Variants in PRX observed in about 807,000 individuals in gnomAD.
PRX encodes the protein periaxin.
A neutral mutation model predicts 29.6 loss-of-function variants in PRX; 24 were observed. The observed-to-expected ratio is 0.81, with a 90% CI of 0.59 to 1.14. The LOEUF (loss-of-function observed/expected upper bound fraction) is 1.14, where lower values mean the gene tolerates loss of function less well. Among genes scored for constraint, PRX ranks in the 50% most tolerant of loss-of-function variants. The pLI, the probability that PRX is intolerant of heterozygous loss-of-function variation, is 0.00. For missense variants in PRX, 1,838 were observed against 1,926.4 expected, an observed-to-expected ratio of 0.95 and a Z score of 0.86; for synonymous variants, 772 against 831.7, an observed-to-expected ratio of 0.93 and a Z score of 1.24.
rs2079449488 is a variant in PRX at position 40,397,315 on chromosome 19, G to A, written c.1037C>T (p.Ala346Val). The change falls in exon 7 of 7, where the codon GCC (alanine) becomes GTC (valine). Residue 346 changes from alanine to valine, a missense_variant. By Grantham distance (64) the Ala-to-Val change is moderately conservative (BLOSUM62 0). Transcript: ENST00000324001. ...DLALPGAEVE[A>V]RGEAPEVALK... ...GGCCACCTCAGGTGCCTCTCCCCGG[G>A]CCTCCACCTCTGCACCCGGCAAGGC... 2.5e-6 allele frequency: 4 copies of A among 1,613,058 alleles called. No individual in the cohort carries two copies. The East Asian group carries it at 6.7e-5, about 27-fold the overall frequency.
chr19:40,398,528 G>A lies in PRX; in HGVS notation c.381+92C>T, dbSNP rs1320772492. 1.3e-6 allele frequency: 2 copies of A among 1,588,544 alleles called. No homozygotes were observed. Among genetic ancestry groups the A allele is most frequent in the Non-Finnish European group, 8.6e-7 (1 of 1,169,100 alleles). On this transcript the variant is annotated intron_variant, in intron 6 of 6. Transcript: ENST00000324001. The surrounding 1 kb of genome is among the most constrained non-coding windows in gnomAD (Gnocchi z 6.3). Reference sequence around the variant, plus strand: ...GGGTTAGTGACAAGACAGAGGGCAAGGCTGGCCCACGATGGCGGGGAATGG... The same window carrying A: ...GGGTTAGTGACAAGACAGAGGGCAAAGCTGGCCCACGATGGCGGGGAATGG...
chr19:40,398,373 A>G lies in PRX; in HGVS notation c.381+247T>C. The G allele has an allele frequency of 7.0e-7, 1 of 1,438,610 alleles. No homozygotes were observed. Among genetic ancestry groups the G allele is most frequent in the Admixed American group, 2.8e-5 (1 of 35,194 alleles). The allele number at this position is 1,438,610 out of a possible 1,614,324, so 89.1% of individuals were successfully genotyped here. On this transcript the variant is annotated intron_variant, in intron 6 of 6. Coordinates refer to ENST00000324001, the MANE Select transcript of PRX (RefSeq NM_181882.3). This position sits in a 1 kb window ranked among gnomAD's most constrained non-coding sequence, Gnocchi z 6.3. ...CGAAGTAGCCTGGTTCAGGACCCCT[A>G]GCAAGCCTGGATCCGATGGTGGGGA...
chr19:40,394,554 TG>T lies in PRX; in HGVS notation c.3797del (p.Pro1266GlnfsTer116). 6.2e-7 allele frequency: 1 copy of T among 1,607,500 alleles called. No individual in the cohort carries two copies. ...AGAGGCAGAAGGTACGCTCGGCCCC[TG>T]GGGGCTGCTCCTCAGCACCCTCGCC... ...VGGEGAEEQP[P>X]GAERTFCLSL... On this transcript the variant is annotated frameshift_variant, in exon 7 of 7. Transcript: ENST00000324001. LOFTEE classifies it high-confidence loss of function. This position sits in a 1 kb window ranked among gnomAD's most constrained non-coding sequence, Gnocchi z 5.8.
intron 1 of PRX, among the ~76,000 whole-genome samples, chr19:40,411,261 G>A (rs1453830418): frequency 6.6e-6 from 1 of 152,274 alleles, no homozygotes; most frequent in East Asian, 1.9e-4. Context: ...CAGGTGCCGG[G>A]CCTGGACCGG....
chr19:40,408,474 T>C (rs2079542710), intron 1 of PRX, 91 bp from the exon 2 acceptor site: 1 of 171,154 alleles, frequency 5.8e-6, no homozygotes, highest in African/African-American at 2.4e-5. Context: ...TGATACCCTA[T>C]CCCCGTCGTG....
Position 40,394,513 on chromosome 19 carries a change from T to A in PRX, c.3839A>T (p.Glu1280Val). 1 of 1,600,308 alleles carries A rather than the reference T, an allele frequency of 6.2e-7. No homozygotes were observed. ...RTFCLSLPDV[E>V]LSPSGGNHAE... is the part of the protein sequence containing the mutation. The stretch of plus-strand genomic sequence containing the variant: ...ATGGTTGCCCCCGGATGGCGAGAGC[T>A]CCACGTCGGGCAGTGAGAGGCAGAA... The change falls in exon 7 of 7, where the codon GAG (glutamate) becomes GTG (valine). Residue 1280 changes from glutamate (E) to valine (V), a missense_variant. Around this residue, in one of 3 missense-constraint regions of PRX, gnomAD observed 1,143 missense variants for 1,193.0 expected, o/e 0.96. Transcript: ENST00000324001. This position sits in a 1 kb window ranked among gnomAD's most constrained non-coding sequence, Gnocchi z 5.8.
Position 40,396,798 on chromosome 19 carries a change from T to C in PRX, c.1554A>G (p.Pro518=). 6.2e-7 allele frequency: 1 copy of C among 1,613,406 alleles called. No homozygotes were observed. The highest frequency in any genetic ancestry group is 8.5e-7 in the Non-Finnish European group (1 of 1,179,916). The change falls in exon 7 of 7, where the codon CCA becomes CCG. Residue 518 remains proline (P), a synonymous_variant. Transcript: ENST00000324001. ...CCGACACTTTCAGCAGCTGTACCTC[T>C]GGAAGCCGCACCTCCGGCACAGCCA... The part of the protein sequence containing the change: ...PEMAVPEVRL[P]EVQLLKVSEM...
At chr19:40,411,759 A>G (rs1360202526) in intron 1 of PRX, among the ~76,000 whole-genome samples, 1 of 151,332 alleles carries the variant, frequency 6.6e-6, no homozygotes, top group Non-Finnish European at 1.5e-5. Context: ...CAGGGGAAAG[A>G]GGGGTGGGGA....
At position 40,397,961 on chromosome 19, in the gene PRX, T is replaced by G; in HGVS notation, c.391A>C (p.Ser131Arg). The G allele has an allele frequency of 4.3e-6, 7 of 1,609,270 alleles. No individual in the cohort carries two copies. The highest frequency in any genetic ancestry group is 5.9e-6 in the Non-Finnish European group (7 of 1,178,108). ...TTCTTCTTCTTCACAGGGGACAGAC[T>G]CTGGATGTTCTGGGGAGAGAGGAGA... ...RAKVAKLNIQ[S>R]LSPVKKKKMV... Residue 131 changes from serine to arginine, a missense_variant, in exon 7 of 7, where the codon AGT (serine) becomes CGT (arginine). Transcript: ENST00000324001.
intron 4 of PRX, among the ~76,000 whole-genome samples, chr19:40,406,373 C>T (rs1162297768): frequency 6.6e-6 from 1 of 152,012 alleles, no homozygotes; most frequent in Non-Finnish European, 1.5e-5. Flanking sequence ...CCATCGAATG[C>T]AGTCTGCAGG....
At chr19:40,407,833 T>G in intron 4 of PRX, 73 bp downstream of exon 4, 3 of 1,591,586 alleles carry the variant, frequency 1.9e-6, no homozygotes, top group South Asian at 1.1e-5. Flanking sequence ...GGCCAGAAAG[T>G]GTCTCCTTGC....
chr19:40,397,052 C>A lies in PRX; in HGVS notation c.1300G>T (p.Val434Phe). The A allele has an allele frequency of 6.2e-7, 1 of 1,614,106 alleles. No individual in the cohort carries two copies. Residue 434 changes from valine to phenylalanine, a missense_variant, in exon 7 of 7, where the codon GTC becomes TTC. Physicochemically the swap from Val to Phe is conservative, Grantham distance 50 (BLOSUM62 -1). Transcript: ENST00000324001. ...ACTTCAGGTCCCTTGGGCACCTTGA[C>A]CTCGGGCCCTGACACTCCGATGCCA... ...SLGIGVSGPE[V>F]KVPKGPEVKL...
Position 40,395,421 on chromosome 19 carries a change from GGCCTCA to G in PRX, c.2925_2930del (p.Glu976_Ala977del). The G allele has an allele frequency of 6.2e-7, 1 of 1,613,878 alleles. No homozygotes were observed. The highest frequency in any genetic ancestry group is 8.5e-7 in the Non-Finnish European group (1 of 1,179,944). The stretch of plus-strand genomic sequence containing the variant: ...GCAGGCCTGCCTCCCCAGCCCCTTT[GGCCTCA>G]GCCTCAGCCCCCACCCGAGCCTTGG... On this transcript the variant is annotated inframe_deletion, in exon 7 of 7. Coordinates refer to ENST00000324001, the MANE Select transcript of PRX (RefSeq NM_181882.3).
chr19:40,411,513 C>T (rs925361114), intron 1 of PRX, among the ~76,000 whole-genome samples: 2 of 152,078 alleles, frequency 1.3e-5, no homozygotes, highest in East Asian at 3.9e-4. Flanking sequence ...GTCCCAGGCC[C>T]GTGGCTGTGA....
chr19:40,412,506 A>T (rs1174938335), intron 1 of PRX, among the ~76,000 whole-genome samples: 2 of 152,158 alleles, frequency 1.3e-5, no homozygotes, highest in African/African-American at 4.8e-5. Context: ...AGCAACAGGG[A>T]GAGTATGGAG....
At chr19:40,408,109 G>C in intron 3 of PRX, 49 bp downstream of exon 3, 4 of 821,972 alleles carry the variant, frequency 4.9e-6, no homozygotes, top group Non-Finnish European at 7.9e-6. Flanking sequence ...GAGAAAGCAG[G>C]GTGGGTATTA....
chr19:40,411,156 C>T (rs1297591653), intron 1 of PRX, among the ~76,000 whole-genome samples: 1 of 152,204 alleles, frequency 6.6e-6, no homozygotes, highest in Non-Finnish European at 1.5e-5. Flanking sequence ...CCCTTCACCC[C>T]TGCTTCACCT....
rs2145734410 is a variant in PRX, at chr19:40,398,808, G to T, written c.193C>A (p.Leu65Met). The T allele has an allele frequency of 1.2e-6, 2 of 1,614,056 alleles. No individual in the cohort carries two copies. Among genetic ancestry groups the T allele is most frequent in the South Asian group, 2.2e-5 (2 of 91,090 alleles). ...RSLSLQEGDQ[L>M]LSARVFFENF... is the part of the protein sequence containing the mutation. ...TCGAAGAACACTCGGGCACTCAGCA[G>T]CTGGTCCCCTGCGGGCGAGGTGGAG... The change falls in exon 6 of 7, where the codon CTG becomes ATG. Residue 65 changes from leucine to methionine, a missense_variant. This residue lies in a region of PRX where 666 missense variants were observed against 665.0 expected (regional missense o/e 1.00). Coordinates refer to ENST00000324001, the MANE Select transcript of PRX (RefSeq NM_181882.3). The surrounding 1 kb of genome is among the most constrained non-coding windows in gnomAD (Gnocchi z 6.3).
chr19:40,408,568 G>A (rs1401926356), intron 1 of PRX, among the ~76,000 whole-genome samples, 185 bp from the exon 2 acceptor site: 2 of 152,166 alleles, frequency 1.3e-5, no homozygotes, highest in Non-Finnish European at 2.9e-5. Context: ...CTGACTCCGA[G>A]GCCTGTCTGG....
Sources: gnomAD v4.1 joint callset for allele counts (sites outside exome capture counted in the v4.1 genomes callset) on GRCh38, gnomAD v4.1.1 for gene constraint, gnomAD v4.1.1 regional missense constraint, Gnocchi (gnomAD v3.1) non-coding constraint, MANE v1.5 for transcripts, NCBI Gene and HGNC (gene_info 2026-07-23, HGNC 2026-07-21) for gene names.